SNX29: variants seen among roughly 807,000 people sequenced by gnomAD.
SNX29 encodes sorting nexin 29.
In SNX29, 78 loss-of-function variants were observed where a neutral mutation model predicts 102.1. That is an observed-to-expected ratio of 0.76 (90% confidence interval 0.64 to 0.92). SNX29 has a LOEUF of 0.92. SNX29 is among the 40% of genes least tolerant of loss of function. The pLI is 0.00. For synonymous variants in SNX29, 580 were observed against 414.5 expected, an observed-to-expected ratio of 1.40 and a Z score of -4.85; for missense variants, 1,280 against 1,061.7, an observed-to-expected ratio of 1.21 and a Z score of -2.86.
At chr16:12,417,613 C>G (rs2084693577) in intron 18 of SNX29, among the ~76,000 whole-genome samples, 1 of 151,802 alleles carries the variant, frequency 6.6e-6, no homozygotes, top group African/African-American at 2.4e-5. Flanking sequence ...CTCATCATTC[C>G]TTTTCCCTGT....
chr16:12,278,065 G>C (rs1161664338), intron 15 of SNX29, 29 bp downstream of exon 15: 12 of 1,558,046 alleles, frequency 7.7e-6, no homozygotes, highest in Non-Finnish European at 1.0e-5. Context: ...GTGTGTCTTT[G>C]TTTCTGATGT....
intron 13 of SNX29, among the ~76,000 whole-genome samples, chr16:12,137,824 G>T (rs1024241486): frequency 6.6e-6 from 1 of 152,214 alleles, no homozygotes; most frequent in Non-Finnish European, 1.5e-5. Flanking sequence ...GGGAATACTG[G>T]CTTGAATTCC....
chr16:12,367,635 C>G (rs185903817), intron 16 of SNX29, among the ~76,000 whole-genome samples: 1 of 152,196 alleles, frequency 6.6e-6, no homozygotes, highest in Admixed American at 6.5e-5. Context: ...AGGGCTGATG[C>G]GATTTAAGTA....
intron 14 of SNX29, among the ~76,000 whole-genome samples, chr16:12,215,494 A>G (rs190896708): frequency 6.6e-5 from 10 of 152,110 alleles, no homozygotes; most frequent in African/African-American, 1.9e-4. Context: ...GTAATACTCT[A>G]TATCTACCCA....
intron 15 of SNX29, among the ~76,000 whole-genome samples, chr16:12,320,096 C>T (rs2080882847): frequency 6.6e-6 from 1 of 152,092 alleles, no homozygotes; most frequent in Non-Finnish European, 1.5e-5. Flanking sequence ...CAGATGGGTC[C>T]TAAGGAGAGA....
chr16:12,567,082 C>T (rs139975262), intron 20 of SNX29, among the ~76,000 whole-genome samples: 1 of 152,208 alleles, frequency 6.6e-6, no homozygotes, highest in Non-Finnish European at 1.5e-5. Flanking sequence ...TGCAGGGATC[C>T]TCGAGGGGAA....
At chr16:12,175,970 CGGT>C (rs1555479444) in intron 13 of SNX29, among the ~76,000 whole-genome samples, 1 of 152,000 alleles carries the variant, frequency 6.6e-6, no homozygotes. Context: ...TGTGTCATTG[CGGT>C]CCAGCCTGGG....
chr16:12,433,006 G>C lies in SNX29; in HGVS notation c.2037+29477G>C, dbSNP rs1369253859. ...GGGGTGAGGGTGTGGGTAGAGGTGG[G>C]TTCTGTGGCAGAGCCACTAGGAATA... On this transcript the variant is annotated intron_variant, in intron 18 of 20. Coordinates refer to ENST00000566228, the MANE Select transcript of SNX29 (RefSeq NM_032167.5). Among the ~76,000 whole-genome samples the C allele has an allele frequency of 2.0e-5, 3 of 152,282 alleles. 1 individual carries two copies. The Middle Eastern group carries it at 0.01, about 518-fold the overall frequency.
At chr16:12,134,610 A>G (rs968629104) in intron 13 of SNX29, among the ~76,000 whole-genome samples, 5 of 152,212 alleles carry the variant, frequency 3.3e-5, no homozygotes, top group Non-Finnish European at 5.9e-5. Flanking sequence ...GGAAGCCACC[A>G]TGTTTTTAAC....
rs2079232824 is a variant in SNX29, at chr16:12,573,635, A to AG, written c.*5010dup. 1 of 221,698 alleles carries AG rather than the reference A, an allele frequency of 4.5e-6. No individual in the cohort carries two copies. Among genetic ancestry groups the AG allele is most frequent in the African/African-American group, 2.2e-5 (1 of 44,822 alleles). The allele number at this position is 221,698 out of a possible 1,614,324, so 13.7% of individuals were successfully genotyped here. A position where few individuals can be genotyped will look rare whatever the true frequency, so the allele number is the denominator to read the frequency against. Reference sequence around the variant, plus strand: ...CTGCCGCTGGTCTCCATGAACGGCAAGGGGAACCACCACTCATTCACTGTC... The same window carrying AG: ...CTGCCGCTGGTCTCCATGAACGGCAAGGGGGAACCACCACTCATTCACTGTC... On this transcript the variant is annotated 3_prime_UTR_variant, in exon 21 of 21. Coordinates refer to ENST00000566228, the MANE Select transcript of SNX29 (RefSeq NM_032167.5).
intron 20 of SNX29, among the ~76,000 whole-genome samples, chr16:12,558,927 A>C (rs961166541): frequency 6.6e-6 from 1 of 152,188 alleles, no homozygotes; most frequent in East Asian, 1.9e-4. Context: ...GTTTAATCTC[A>C]TAGGTGGGTT....
intron 14 of SNX29, among the ~76,000 whole-genome samples, chr16:12,217,000 G>T (rs142934547): frequency 6.6e-6 from 1 of 152,106 alleles, no homozygotes; most frequent in Non-Finnish European, 1.5e-5. Context: ...AACACAAAAA[G>T]AATGGGTATT....
chr16:12,341,838 G>C (rs1470082085), intron 15 of SNX29, among the ~76,000 whole-genome samples: 1 of 152,330 alleles, frequency 6.6e-6, no homozygotes, highest in East Asian at 1.9e-4. Context: ...TGCATGGTGA[G>C]CACCAGTATC....
intron 20 of SNX29, among the ~76,000 whole-genome samples, chr16:12,566,268 C>G (rs1226991243): frequency 6.6e-6 from 1 of 152,216 alleles, no homozygotes; most frequent in Non-Finnish European, 1.5e-5. Flanking sequence ...TCAGACAGCA[C>G]TGCCCACAGC....
At chr16:12,478,626 C>G (rs1415728500) in intron 19 of SNX29, among the ~76,000 whole-genome samples, 1 of 152,170 alleles carries the variant, frequency 6.6e-6, no homozygotes, top group Admixed American at 6.5e-5. Flanking sequence ...AGACCTGGGT[C>G]TAGACCGGGC....
intron 20 of SNX29, among the ~76,000 whole-genome samples, chr16:12,559,410 T>C (rs1203288532): frequency 1.3e-5 from 2 of 151,256 alleles, no homozygotes; most frequent in Admixed American, 6.6e-5. Context: ...GAAGGGACCA[T>C]CTAGTTGCAG....
intron 14 of SNX29, among the ~76,000 whole-genome samples, chr16:12,235,781 T>C (rs1403923423): frequency 1.3e-5 from 2 of 148,606 alleles, no homozygotes; most frequent in Non-Finnish European, 3.0e-5. Flanking sequence ...ACATGGGTTG[T>C]AAATTGTGTG....
At chr16:12,457,478 C>G (rs2086589073) in intron 18 of SNX29, among the ~76,000 whole-genome samples, 1 of 152,204 alleles carries the variant, frequency 6.6e-6, no homozygotes, top group Non-Finnish European at 1.5e-5. Context: ...ATGGCCCACA[C>G]TATACCTCAA....
Position 12,569,048 on chromosome 16 carries a change from C to T in SNX29, c.*419C>T, listed in dbSNP as rs530516224. 2 of 217,702 alleles carry T rather than the reference C, an allele frequency of 9.2e-6. No homozygotes were observed. Among genetic ancestry groups the T allele is most frequent in the African/African-American group, 2.4e-5 (1 of 41,502 alleles). The allele number at this position is 217,702 out of a possible 1,614,324, so 13.5% of individuals were successfully genotyped here. ...CTCTCCACTCTTTCCCACGTGGGGA[C>T]TAGAATGACTATTAGCCTCTCCTTT... On this transcript the variant is annotated 3_prime_UTR_variant, in exon 21 of 21. Transcript: ENST00000566228.
Sources: allele counts gnomAD v4.1 joint callset (sites outside exome capture counted in the v4.1 genomes callset), GRCh38; gene constraint gnomAD v4.1.1; transcripts MANE v1.5; gene names NCBI Gene and HGNC (gene_info 2026-07-23, HGNC 2026-07-21).